Variants in HSPA12A observed in about 807,000 individuals in gnomAD.
HSPA12A encodes heat shock 70 kDa protein 12A.
Under a neutral mutation model 69.2 loss-of-function variants are expected in HSPA12A, and 28 were observed. The ratio of observed to expected loss-of-function variants is 0.40; its 90% CI spans 0.30 to 0.55. The LOEUF (loss-of-function observed/expected upper bound fraction) is 0.55, where lower values mean the gene tolerates loss of function less well. Among genes scored for constraint, HSPA12A ranks in the 20% least tolerant of loss-of-function variants. The probability of loss-of-function intolerance (pLI) is 0.38; values close to 1 mark genes in which losing one functional copy is unlikely to be tolerated. For synonymous variants in HSPA12A, 345 were observed against 370.5 expected, an observed-to-expected ratio of 0.93 and a Z score of 0.79; for missense variants, 686 against 900.7, an observed-to-expected ratio of 0.76 and a Z score of 3.05.
intron 2 of HSPA12A, among the ~76,000 whole-genome samples, chr10:116,786,313 T>C (rs1844575802): frequency 6.6e-6 from 1 of 152,154 alleles, no homozygotes; most frequent in Non-Finnish European, 1.5e-5. Context: ...GGAAACAGGC[T>C]GCGCAGAACA....
intron 2 of HSPA12A, among the ~76,000 whole-genome samples, chr10:116,786,746 T>C (rs1844584971): frequency 6.6e-6 from 1 of 152,064 alleles, no homozygotes; most frequent in Non-Finnish European, 1.5e-5. Context: ...TTCAAGCAAT[T>C]CTCATGCCTC....
rs781997174 is a variant in HSPA12A at position 116,683,945 on chromosome 10, G to C, written c.681C>G (p.Pro227=). 3 of 1,578,426 alleles carry C rather than the reference G, an allele frequency of 1.9e-6. No individual in the cohort carries two copies. The highest frequency in any genetic ancestry group is 1.7e-5 in the Admixed American group (1 of 59,238). The change falls in exon 7 of 12, where the codon CCC becomes CCG. Residue 227 remains proline, a synonymous_variant. Transcript: ENST00000369209. ...QAAYQAGLAS[P]ENSEQLIIAL... ...CAATGATGAGCTGCTCCGAGTTCTC[G>C]GGGGAGGCCAGGCCTGCCTGGAAGA...
intron 3 of HSPA12A, 124 bp downstream of exon 3, chr10:116,705,027 G>A (rs564288278): frequency 1.7e-6 from 2 of 1,211,808 alleles, no homozygotes; most frequent in East Asian, 5.1e-5. Flanking sequence ...TGGTGAGCTT[G>A]AGCCAAGCTG....
At chr10:116,742,582 G>A, upstream of HSPA12A, 1 of 1,132,898 alleles carries the variant, frequency 8.8e-7, no homozygotes, top group Non-Finnish European at 1.1e-6. Context: ...GCCGGGCAGC[G>A]GGAGCGCTGC....
At chr10:116,683,644 CAG>C in intron 7 of HSPA12A, 145 bp downstream of exon 7, 1 of 691,972 alleles carries the variant, frequency 1.4e-6, no homozygotes, top group East Asian at 3.1e-5. Context: ...GGGGGCTGAG[CAG>C]AGAGGTGCTT....
At chr10:116,732,336 G>GAAAT (rs1164951303) in intron 1 of HSPA12A, among the ~76,000 whole-genome samples, 1 of 148,888 alleles carries the variant, frequency 6.7e-6, no homozygotes, top group Non-Finnish European at 1.5e-5. Flanking sequence ...AACAAAGAAA[G>GAAAT]AAAGAAAGAA....
chr10:116,750,009 C>T (rs782709062), intron 2 of HSPA12A: 6 of 226,722 alleles, frequency 2.6e-5, no homozygotes, highest in Non-Finnish European at 4.4e-5. Flanking sequence ...AAATGCTTGG[C>T]AATACAGGAT....
chr10:116,804,607 T>G (rs1307409464), intron 2 of HSPA12A, among the ~76,000 whole-genome samples: 2 of 151,932 alleles, frequency 1.3e-5, no homozygotes, highest in Non-Finnish European at 2.9e-5. Context: ...TGGGAGGAAA[T>G]GTTCCTGCGT....
Position 116,734,863 on chromosome 10 carries a change from G to A in HSPA12A, c.40+7567C>T, listed in dbSNP as rs542825768. Among the ~76,000 whole-genome samples the A allele has an allele frequency of 9.1e-4, 139 of 151,976 alleles. 2 individuals are homozygous for A. In the South Asian group the frequency reaches 0.027, roughly 29 times the overall value. ...AAAAATTAGCCAGGCGTGGTGGTGG[G>A]CGAGTGTAGTCCCAGCTACTCGGGA... On this transcript the variant is annotated intron_variant, in intron 1 of 11. Coordinates refer to ENST00000369209, the MANE Select transcript of HSPA12A (RefSeq NM_025015.3).
intron 2 of HSPA12A, among the ~76,000 whole-genome samples, chr10:116,792,911 G>A (rs1264743290): frequency 1.3e-5 from 2 of 152,148 alleles, no homozygotes. Flanking sequence ...AAGACAAAGG[G>A]AAGATTTTAA....
intron 2 of HSPA12A, among the ~76,000 whole-genome samples, chr10:116,834,219 C>A (rs1408107222): frequency 6.6e-6 from 1 of 152,142 alleles, no homozygotes; most frequent in African/African-American, 2.4e-5. Context: ...ACTGGGAGGC[C>A]CCAGGCAGCC....
chr10:116,783,350 T>C (rs1210707142), intron 2 of HSPA12A, among the ~76,000 whole-genome samples: 2 of 152,270 alleles, frequency 1.3e-5, no homozygotes, highest in South Asian at 2.1e-4. Flanking sequence ...CCTGGCAAAG[T>C]GTGCAGCAGT....
chr10:116,782,853 C>T (rs1487857669), intron 2 of HSPA12A, among the ~76,000 whole-genome samples: 2 of 152,140 alleles, frequency 1.3e-5, no homozygotes, highest in Admixed American at 6.5e-5. Context: ...TCAACAAAAT[C>T]GCTGAGTAGA....
chr10:116,696,908 C>G (rs1345660793), intron 5 of HSPA12A, among the ~76,000 whole-genome samples: 1 of 152,094 alleles, frequency 6.6e-6, no homozygotes, highest in Non-Finnish European at 1.5e-5. Flanking sequence ...GTGAACCACA[C>G]CCCACCCTGC....
intron 2 of HSPA12A, among the ~76,000 whole-genome samples, chr10:116,761,090 C>A (rs781796962): frequency 8.5e-5 from 13 of 152,150 alleles, no homozygotes; most frequent in Admixed American, 6.5e-5. Flanking sequence ...GTGGCTCATG[C>A]CTGTAATTTA....
chr10:116,717,415 GT>G (rs1850640819), intron 1 of HSPA12A, among the ~76,000 whole-genome samples: 1 of 152,186 alleles, frequency 6.6e-6, no homozygotes, highest in South Asian at 2.1e-4. Context: ...ATGAGACTGT[GT>G]GGCGTATTCT....
chr10:116,703,383 C>T (rs1333626877), intron 3 of HSPA12A, among the ~76,000 whole-genome samples: 2 of 151,900 alleles, frequency 1.3e-5, no homozygotes, highest in East Asian at 3.9e-4. Flanking sequence ...AAAATACAAA[C>T]ATTAGCAGGG....
At chr10:116,724,373 A>G (rs1348497784) in intron 1 of HSPA12A, among the ~76,000 whole-genome samples, 1 of 152,118 alleles carries the variant, frequency 6.6e-6, no homozygotes, top group Non-Finnish European at 1.5e-5. Flanking sequence ...ACATTGTTAC[A>G]TGTGTAGAAT....
At chr10:116,792,299 A>G (rs1844716717) in intron 2 of HSPA12A, among the ~76,000 whole-genome samples, 1 of 150,936 alleles carries the variant, frequency 6.6e-6, no homozygotes, top group Admixed American at 6.6e-5. Flanking sequence ...TCAAGGAACA[A>G]GAATTGGGAA....
Sources: allele counts gnomAD v4.1 joint callset (sites outside exome capture counted in the v4.1 genomes callset), GRCh38; gene constraint gnomAD v4.1.1; transcripts MANE v1.5; gene names NCBI Gene and HGNC (gene_info 2026-07-23, HGNC 2026-07-21).